The following DLG2 variants were observed in gnomAD, a reference collection of about 807,000 sequenced individuals.
The protein encoded by DLG2 is disks large homolog 2.
Under a neutral mutation model 132.5 loss-of-function variants are expected in DLG2, and 45 were observed. That is an observed-to-expected ratio of 0.34 (90% confidence interval 0.27 to 0.44). The LOEUF (loss-of-function observed/expected upper bound fraction) is 0.44. Ranked by LOEUF, DLG2 falls within the 20% of genes least tolerant of loss-of-function variation. The pLI is 1.00. For synonymous variants in DLG2, 424 were observed against 419.6 expected (o/e 1.01, Z -0.13); for missense variants, 1,045 against 1,196.9 (o/e 0.87, Z 1.87).
intron 3 of DLG2, among the ~76,000 whole-genome samples, chr11:85,346,239 G>A (rs1320783397): frequency 6.6e-6 from 1 of 151,332 alleles, no homozygotes; most frequent in African/African-American, 2.4e-5. Context: ...CCAGGCTGGA[G>A]TGCAGTGGCG....
At chr11:85,098,741 C>G (rs1441735187) in intron 6 of DLG2, among the ~76,000 whole-genome samples, 4 of 152,088 alleles carry the variant, frequency 2.6e-5, no homozygotes, top group African/African-American at 9.7e-5. Flanking sequence ...GATCAATTAT[C>G]ATGTTTATTT....
intron 4 of DLG2, among the ~76,000 whole-genome samples, chr11:85,210,678 C>G (rs1329452270): frequency 6.6e-6 from 1 of 152,094 alleles, no homozygotes; most frequent in African/African-American, 2.4e-5. Flanking sequence ...GCCAAGCCTT[C>G]CCCAAGATGG....
chr11:85,260,046 C>T (rs988957409), intron 4 of DLG2, among the ~76,000 whole-genome samples: 2 of 152,136 alleles, frequency 1.3e-5, no homozygotes, highest in Non-Finnish European at 2.9e-5. Context: ...GAGAGCAGAA[C>T]ACAGAATAAA....
At chr11:84,071,476 G>A (rs1247921314) in intron 10 of DLG2, among the ~76,000 whole-genome samples, 2 of 152,020 alleles carry the variant, frequency 1.3e-5, no homozygotes, top group African/African-American at 4.8e-5. Context: ...CAGGATCATA[G>A]CTCAGCGCAG....
chr11:83,891,798 A>G (rs2069960423), intron 15 of DLG2, among the ~76,000 whole-genome samples: 1 of 152,166 alleles, frequency 6.6e-6, no homozygotes, highest in South Asian at 2.1e-4. Context: ...TAATTCTACA[A>G]TCTACTTTCC....
At chr11:84,046,184 C>A (rs572571502) in intron 11 of DLG2, among the ~76,000 whole-genome samples, 1 of 151,676 alleles carries the variant, frequency 6.6e-6, no homozygotes, top group East Asian at 1.9e-4. Flanking sequence ...TGTTTCTATA[C>A]CCAATTTTTA....
At chr11:85,585,910 G>T (rs117732599) in intron 3 of DLG2, among the ~76,000 whole-genome samples, 2 of 152,152 alleles carry the variant, frequency 1.3e-5, no homozygotes, top group Non-Finnish European at 2.9e-5. Context: ...TGTAGTGACA[G>T]GGTTTTGCCA....
rs183377972 is a variant in DLG2 at position 84,935,928 on chromosome 11, C to T, written c.357+175733G>A. Among the ~76,000 whole-genome samples the T allele has an allele frequency of 4.5e-4, 69 of 152,220 alleles. 1 individual carries two copies. The East Asian group carries it at 4.6e-3, about 10-fold the overall frequency. On this transcript the variant is annotated intron_variant, in intron 6 of 27. Transcript: ENST00000376104. The stretch of plus-strand genomic sequence containing the variant: ...ATAGGTCAGGTCTACCTCCTATTTA[C>T]GCTTATAATATTTTTCTTTACTTTT...
intron 5 of DLG2, among the ~76,000 whole-genome samples, chr11:85,122,949 T>TTATATATATATTATATATATATATATTA (rs1555376285): frequency 1.2e-4 from 6 of 48,162 alleles, no homozygotes; most frequent in Admixed American, 3.2e-4. Context: ...TGTATATATA[T>TTATATATATATTATATATATATATATTA]TATATATATA....
At chr11:84,352,552 C>T (rs1432794078) in intron 7 of DLG2, among the ~76,000 whole-genome samples, 2 of 152,080 alleles carry the variant, frequency 1.3e-5, no homozygotes, top group East Asian at 1.9e-4. Flanking sequence ...CTAGGGTGAG[C>T]CACAAAAAAA....
intron 19 of DLG2, among the ~76,000 whole-genome samples, chr11:83,578,397 A>G (rs1593614858): frequency 6.6e-6 from 1 of 152,102 alleles, no homozygotes; most frequent in African/African-American, 2.4e-5. Flanking sequence ...ATTAGACTTA[A>G]ACCTAATGAC....
chr11:84,601,838 A>T (rs529258238), intron 6 of DLG2, among the ~76,000 whole-genome samples: 1 of 152,176 alleles, frequency 6.6e-6, no homozygotes, highest in Non-Finnish European at 1.5e-5. Context: ...AATATTGCTA[A>T]AGGTCTGTGG....
At chr11:84,838,145 T>C (rs1240318309) in intron 6 of DLG2, among the ~76,000 whole-genome samples, 1 of 151,962 alleles carries the variant, frequency 6.6e-6, no homozygotes, top group African/African-American at 2.4e-5. Flanking sequence ...ACATCTGATA[T>C]TTAATTTCTA....
At chr11:85,593,428 G>A (rs1048116477) in intron 3 of DLG2, among the ~76,000 whole-genome samples, 7 of 152,266 alleles carry the variant, frequency 4.6e-5, no homozygotes, top group African/African-American at 7.2e-5. Flanking sequence ...GGTCTAGGGT[G>A]AGAACCAAGA....
intron 3 of DLG2, chr11:85,452,451 G>A (rs2092280403): frequency 6.1e-6 from 1 of 163,816 alleles, no homozygotes; most frequent in Non-Finnish European, 1.3e-5. Context: ...GTCCTCTATA[G>A]TCTCCACCAC....
At chr11:85,308,214 TAAC>T (rs1429472636) in intron 3 of DLG2, among the ~76,000 whole-genome samples, 1 of 135,488 alleles carries the variant, frequency 7.4e-6, no homozygotes, top group East Asian at 2.1e-4. Flanking sequence ...AAAGAAAAGG[TAAC>T]AACTCTTTTC....
chr11:85,562,435 A>G (rs571432070), intron 3 of DLG2, among the ~76,000 whole-genome samples: 1 of 151,884 alleles, frequency 6.6e-6, no homozygotes, highest in South Asian at 2.1e-4. Context: ...CTCTTCATGT[A>G]TATATTTTAT....
At chr11:84,688,426 G>T (rs1475409602) in intron 6 of DLG2, among the ~76,000 whole-genome samples, 1 of 152,102 alleles carries the variant, frequency 6.6e-6, no homozygotes, top group Non-Finnish European at 1.5e-5. Flanking sequence ...TGGCATCAAA[G>T]GTATGTGATT....
intron 6 of DLG2, among the ~76,000 whole-genome samples, chr11:84,617,141 C>T (rs567560633): frequency 4.0e-5 from 6 of 151,838 alleles, no homozygotes; most frequent in East Asian, 1.9e-4. Context: ...CTTAGCCCCC[C>T]ACCCCTCAAC....
Sources: gnomAD v4.1 joint callset for allele counts (sites outside exome capture counted in the v4.1 genomes callset) on GRCh38, gnomAD v4.1.1 for gene constraint, MANE v1.5 for transcripts, NCBI Gene and HGNC (gene_info 2026-07-23, HGNC 2026-07-21) for gene names.